FBXO8: variants seen among roughly 807,000 people sequenced by gnomAD.
FBXO8 encodes F-box only protein 8.
FBXO8 carries 15 observed loss-of-function variants against 33.4 expected under a neutral mutation model. The observed-to-expected ratio is 0.45, with a 90% confidence interval of 0.30 to 0.69. The LOEUF is 0.69. Among genes scored for constraint, FBXO8 ranks in the 30% least tolerant of loss-of-function variants. The probability of loss-of-function intolerance (pLI) is 0.08; values close to 1 mark genes in which losing one functional copy is unlikely to be tolerated. For synonymous variants in FBXO8, 132 were observed against 131.5 expected (o/e 1.00, Z -0.02); for missense variants, 274 against 380.3 (o/e 0.72, Z 2.32).
chr4:174,241,657 A>G lies in FBXO8; in HGVS notation c.457-439T>C, dbSNP rs1172378418. Among the ~76,000 whole-genome samples the G allele has an allele frequency of 6.6e-6, 1 of 151,538 alleles. No individual in the cohort carries two copies. Among genetic ancestry groups the G allele is most frequent in the Non-Finnish European group, 1.5e-5 (1 of 67,596 alleles). ...TCAAGGAAAGAGCTTCTTGATAAAA[A>G]AATGCTCCAAATGAAAGACTAGCAA... On this transcript the variant is annotated intron_variant, in intron 3 of 5. Coordinates refer to ENST00000393674, the MANE Select transcript of FBXO8 (RefSeq NM_012180.3). The surrounding 1 kb of genome is among the most constrained non-coding windows in gnomAD (Gnocchi z 4.2).
At position 174,245,009 on chromosome 4, in the gene FBXO8, T is replaced by C. The variant is rs748737268; in HGVS notation, c.457-3791A>G. ...CATATTTACATATATGCATCTGCTT[T>C]AAAATATTTTTTAAAACATGAAGCA... On this transcript the variant is annotated intron_variant, in intron 3 of 5. Transcript: ENST00000393674. The surrounding 1 kb of genome is among the most constrained non-coding windows in gnomAD (Gnocchi z 4.6). 1.7e-4 allele frequency among the ~76,000 whole-genome samples: 26 copies of C among 151,964 alleles called. No individual in the cohort carries two copies. The highest frequency in any genetic ancestry group is 3.4e-3 in the Middle Eastern group (1 of 294).
Position 174,267,622 on chromosome 4 carries a change from G to A in FBXO8, c.-8-4522C>T, listed in dbSNP as rs75842544. Among the ~76,000 whole-genome samples the A allele has an allele frequency of 3.5e-3, 538 of 152,256 alleles. 2 individuals are homozygous for A. The highest frequency in any genetic ancestry group is 0.014 in the Middle Eastern group (4 of 294). On this transcript the variant is annotated intron_variant, in intron 1 of 5. Coordinates refer to ENST00000393674, the MANE Select transcript of FBXO8 (RefSeq NM_012180.3). The surrounding 1 kb of genome is among the most constrained non-coding windows in gnomAD (Gnocchi z 4.7). ...CTCTAAAAGAGATGTAGAATATGAT[G>A]CAGTTTCATGCGGGGTTCGTCCATG...
chr4:174,263,159 G>A lies in FBXO8; in HGVS notation c.-8-59C>T, dbSNP rs1009432243. ...TTTAAAAAGTAACCCATTTTTCCCA[G>A]TGGTATAACAAATCTGACATGAAGC... On this transcript the variant is annotated intron_variant, in intron 1 of 5. Transcript: ENST00000393674. This position sits in a 1 kb window ranked among gnomAD's most constrained non-coding sequence, Gnocchi z 4.2. 3 of 1,441,634 alleles carry A rather than the reference G, an allele frequency of 2.1e-6. No homozygotes were observed. The African/African-American group carries it at 4.3e-5, about 20-fold the overall frequency. 89.3% of individuals were successfully genotyped at this position (1,441,634 alleles called of 1,614,324 possible). A position where few individuals can be genotyped will look rare whatever the true frequency, so the allele number is the denominator to read the frequency against.
chr4:174,240,239 C>T (rs564894797), intron 4 of FBXO8, among the ~76,000 whole-genome samples: 8 of 151,646 alleles, frequency 5.3e-5, no homozygotes, highest in African/African-American at 1.7e-4. Flanking sequence ...CTTAATGATG[C>T]GATCTTTACA....
In FBXO8 at chr4:174,274,229, A is replaced by AC. The variant is rs145717871; in HGVS notation, c.-9+9180dup. ...TGATGTGAAGAAAGATCAGCATCAAACCCCAACACGGAATCTGATTAGCCT... is the reference window on the plus strand; with the variant it reads ...TGATGTGAAGAAAGATCAGCATCAAACCCCCAACACGGAATCTGATTAGCCT... On this transcript the variant is annotated intron_variant, in intron 1 of 5. Transcript: ENST00000393674. This position sits in a 1 kb window ranked among gnomAD's most constrained non-coding sequence, Gnocchi z 4.0. 0.072 allele frequency among the ~76,000 whole-genome samples: 10,891 copies of AC among 152,164 alleles called. 504 individuals carry two copies. Among genetic ancestry groups the AC allele is most frequent in the Non-Finnish European group, 0.11 (7,286 of 67,992 alleles).
Position 174,274,384 on chromosome 4 carries a change from G to A in FBXO8, c.-9+9026C>T, listed in dbSNP as rs1391178740. Among the ~76,000 whole-genome samples the A allele has an allele frequency of 2.6e-5, 4 of 152,144 alleles. No homozygotes were observed. The highest frequency in any genetic ancestry group is 6.5e-5 in the Admixed American group (1 of 15,268). ...GTAGTTTACAATAAAAGGTAGTTTC[G>A]TACTCATCCCTCTCGCCCTCTTTAA... is the stretch of plus-strand genomic sequence containing the variant. On this transcript the variant is annotated intron_variant, in intron 1 of 5. Transcript: ENST00000393674. The surrounding 1 kb of genome is among the most constrained non-coding windows in gnomAD (Gnocchi z 4.0).
intron 3 of FBXO8, among the ~76,000 whole-genome samples, chr4:174,249,891 A>G (rs1044482004): frequency 2.0e-5 from 3 of 152,026 alleles, no homozygotes; most frequent in African/African-American, 7.2e-5. Flanking sequence ...TAAAGCTAGG[A>G]GATATTGATG....
chr4:174,242,044 G>A (rs774567393), intron 3 of FBXO8, among the ~76,000 whole-genome samples: 17 of 151,508 alleles, frequency 1.1e-4, no homozygotes, highest in Non-Finnish European at 2.2e-4. Flanking sequence ...TGTCTTCGCT[G>A]GATTTGAATG....
intron 5 of FBXO8, among the ~76,000 whole-genome samples, chr4:174,238,627 A>G (rs1368998673): frequency 6.6e-6 from 1 of 150,694 alleles, no homozygotes; most frequent in Non-Finnish European, 1.5e-5. Flanking sequence ...ACATAGACAC[A>G]GTCTATGTGT....
rs999542832 is a variant in FBXO8 at position 174,274,725 on chromosome 4, G to A, written c.-9+8685C>T. 3.3e-5 allele frequency among the ~76,000 whole-genome samples: 5 copies of A among 152,138 alleles called. No individual in the cohort carries two copies. Among genetic ancestry groups the A allele is most frequent in the Non-Finnish European group, 2.9e-5 (2 of 68,026 alleles). On this transcript the variant is annotated intron_variant, in intron 1 of 5. Transcript: ENST00000393674. The surrounding 1 kb of genome is among the most constrained non-coding windows in gnomAD (Gnocchi z 4.0). The stretch of plus-strand genomic sequence containing the variant: ...GAAAATATTTGTTGAATGAATAAAC[G>A]ATTAGTAAGCACTGATTTTAAAAAA...
At chr4:174,276,252 T>C (rs947338431) in intron 1 of FBXO8, among the ~76,000 whole-genome samples, 1 of 152,228 alleles carries the variant, frequency 6.6e-6, no homozygotes, top group African/African-American at 2.4e-5. Context: ...AACTTGTTTT[T>C]TCTGAGTTGG....
rs1030621775 is a variant in FBXO8 at position 174,236,732 on chromosome 4, T to C, written c.*680A>G. On this transcript the variant is annotated 3_prime_UTR_variant, in exon 6 of 6. Coordinates refer to ENST00000393674, the MANE Select transcript of FBXO8 (RefSeq NM_012180.3). ...ATAAATTTTGATGTTTTAAAAATCC[T>C]AAATGGTTTAAAGGACTTACCGAGA... 1 of 152,156 alleles carries C rather than the reference T, an allele frequency of 6.6e-6. No homozygotes were observed. The allele number at this position is 152,156 out of a possible 1,614,324, so 9.4% of individuals were successfully genotyped here. A position where few individuals can be genotyped will look rare whatever the true frequency, so the allele number is the denominator to read the frequency against.
chr4:174,258,788 A>G (rs535601036), intron 3 of FBXO8, among the ~76,000 whole-genome samples: 1 of 152,204 alleles, frequency 6.6e-6, no homozygotes, highest in Middle Eastern at 3.4e-3. Context: ...AGACTCAAAT[A>G]TTTTACATAG....
At chr4:174,271,580 G>GC (rs1436282905) in intron 1 of FBXO8, among the ~76,000 whole-genome samples, 16 of 151,890 alleles carry the variant, frequency 1.1e-4, no homozygotes, top group African/African-American at 3.9e-4. Flanking sequence ...CCTCACTCAG[G>GC]CAAAATGAAG....
intron 3 of FBXO8, among the ~76,000 whole-genome samples, chr4:174,250,635 C>T (rs898793217): frequency 4.6e-5 from 7 of 152,210 alleles, no homozygotes; most frequent in African/African-American, 1.4e-4. Context: ...GATAAATGTA[C>T]ACTACAGTTA....
At position 174,256,854 on chromosome 4, in the gene FBXO8, T is replaced by C. The variant is rs996139486; in HGVS notation, c.456+2845A>G. On this transcript the variant is annotated intron_variant, in intron 3 of 5. Coordinates refer to ENST00000393674, the MANE Select transcript of FBXO8 (RefSeq NM_012180.3). The surrounding 1 kb of genome is among the most constrained non-coding windows in gnomAD (Gnocchi z 4.6). ...TCCTGGGAGTACTACATGGCCCTTT[T>C]AGAATGATAAATTCAGTGCCTCTGG... Among the ~76,000 whole-genome samples the C allele has an allele frequency of 6.6e-6, 1 of 151,972 alleles. No individual in the cohort carries two copies. Among genetic ancestry groups the C allele is most frequent in the African/African-American group, 2.4e-5 (1 of 41,366 alleles).
At position 174,240,698 on chromosome 4, in the gene FBXO8, G is replaced by T. The variant is rs556869652; in HGVS notation, c.575+402C>A. Among the ~76,000 whole-genome samples the T allele has an allele frequency of 4.6e-5, 7 of 151,414 alleles. No homozygotes were observed. In the South Asian group the frequency reaches 1.5e-3, roughly 32 times the overall value. On this transcript the variant is annotated intron_variant, in intron 4 of 5. Transcript: ENST00000393674. The stretch of plus-strand genomic sequence containing the variant: ...TATACCTTATATCCCTAGGATTTGG[G>T]GTTTATGACTATAATCTGTCTTTGT...
Position 174,272,859 on chromosome 4 carries a change from C to T in FBXO8, c.-8-9759G>A, listed in dbSNP as rs1736870473. Among the ~76,000 whole-genome samples, 1 of 152,064 alleles carries T rather than the reference C, an allele frequency of 6.6e-6. No individual in the cohort carries two copies. Among genetic ancestry groups the T allele is most frequent in the Admixed American group, 6.5e-5 (1 of 15,270 alleles). On this transcript the variant is annotated intron_variant, in intron 1 of 5. Coordinates refer to ENST00000393674, the MANE Select transcript of FBXO8 (RefSeq NM_012180.3). This position sits in a 1 kb window ranked among gnomAD's most constrained non-coding sequence, Gnocchi z 4.7. Reference sequence around the variant, plus strand: ...AACATTTACAAATAAGAGGCAAATGCACATCATATGCCTCTAGATGTGATG... The same window carrying T: ...AACATTTACAAATAAGAGGCAAATGTACATCATATGCCTCTAGATGTGATG...
rs1375472935 is a variant in FBXO8 at position 174,245,422 on chromosome 4, G to C, written c.457-4204C>G. Among the ~76,000 whole-genome samples the C allele has an allele frequency of 2.0e-5, 3 of 151,874 alleles. No homozygotes were observed. The highest frequency in any genetic ancestry group is 4.4e-5 in the Non-Finnish European group (3 of 67,868). ...TCTGAATGAGGGGAACACTGGAGAA[G>C]AATGTTCCAGTTAATACTGTATTAT... On this transcript the variant is annotated intron_variant, in intron 3 of 5. Transcript: ENST00000393674. This position sits in a 1 kb window ranked among gnomAD's most constrained non-coding sequence, Gnocchi z 4.6.
Sources: allele counts gnomAD v4.1 joint callset (sites outside exome capture counted in the v4.1 genomes callset), GRCh38; gene constraint gnomAD v4.1.1; non-coding constraint Gnocchi (gnomAD v3.1); transcripts MANE v1.5; gene names NCBI Gene and HGNC (gene_info 2026-07-23, HGNC 2026-07-21).